TTF2: variants seen among roughly 807,000 people sequenced by gnomAD.
TTF2 encodes RNA polymerase II termination factor.
Under a neutral mutation model 142.4 loss-of-function variants are expected in TTF2, and 108 were observed. That is an observed-to-expected ratio of 0.76 (90% CI 0.65 to 0.89). TTF2 has a LOEUF of 0.89. Ranked by LOEUF, TTF2 falls within the 40% of genes least tolerant of loss-of-function variation. The pLI is 0.00. For missense variants in TTF2, 1,327 were observed against 1,379.8 expected (o/e 0.96, Z 0.61); for synonymous variants, 483 against 506.2 (o/e 0.95, Z 0.61).
chr1:117,075,455 A>G lies in TTF2; in HGVS notation c.871A>G (p.Lys291Glu). The change falls in exon 5 of 23, where the codon AAA becomes GAA. Residue 291 changes from lysine to glutamate, a missense_variant. By Grantham distance (56) the Lys-to-Glu change is moderately conservative. Coordinates refer to ENST00000369466, the MANE Select transcript of TTF2 (RefSeq NM_003594.4). The surrounding 1 kb of genome is among the most constrained non-coding windows in gnomAD (Gnocchi z 4.5). ...CAAGGAGTACACGAACTGGGAGGCT[A>G]AAGAAACAAAGGCAAAGGATGGCCC... Reference protein sequence around the residue: ...LNKEYTNWEAKETKAKDGPSI... With the variant: ...LNKEYTNWEAEETKAKDGPSI... The G allele has an allele frequency of 6.2e-7, 1 of 1,614,148 alleles. No homozygotes were observed. Among genetic ancestry groups the G allele is most frequent in the Non-Finnish European group, 8.5e-7 (1 of 1,179,992 alleles).
In TTF2 at chr1:117,092,770, C is replaced by G. The variant is rs767915701; in HGVS notation, c.2845C>G (p.Leu949Val). 6.2e-7 allele frequency: 1 copy of G among 1,614,162 alleles called. No homozygotes were observed. The highest frequency in any genetic ancestry group is 8.5e-7 in the Non-Finnish European group (1 of 1,180,030). Reference protein sequence around the residue: ...PMELKGEGLVLSLEEQLSALT... With the variant: ...PMELKGEGLVVSLEEQLSALT... ...GGAACTGAAGGGTGAAGGTCTTGTC[C>G]TTTCCCTGGAAGAACAGCTCAGTGC... The change falls in exon 18 of 23, where the codon CTT (leucine) becomes GTT (valine). Residue 949 changes from leucine (L) to valine (V), a missense_variant. By Grantham distance (32) the Leu-to-Val change is conservative. Coordinates refer to ENST00000369466, the MANE Select transcript of TTF2 (RefSeq NM_003594.4). The surrounding 1 kb of genome is among the most constrained non-coding windows in gnomAD (Gnocchi z 4.4).
chr1:117,065,612 C>T (rs1212461627), intron 3 of TTF2, among the ~76,000 whole-genome samples: 3 of 152,098 alleles, frequency 2.0e-5, no homozygotes, highest in Non-Finnish European at 4.4e-5. Flanking sequence ...AAAAATGTCT[C>T]TGAGCATTGT....
Position 117,097,440 on chromosome 1 carries a change from A to G in TTF2, c.3269+7A>G, listed in dbSNP as rs1168335332. The G allele has an allele frequency of 1.2e-6, 2 of 1,613,974 alleles. No homozygotes were observed. The highest frequency in any genetic ancestry group is 2.7e-5 in the African/African-American group (2 of 74,922). ...TTCTTTTGGACATGCACTGGTAATG[A>G]TTCCGGATTTGTCCTGGGTTGTCAC... On this transcript the variant is annotated splice_region_variant and intron_variant, in intron 21 of 22. Transcript: ENST00000369466. This position sits in a 1 kb window ranked among gnomAD's most constrained non-coding sequence, Gnocchi z 4.1.
rs1391460788 is a variant in TTF2, at chr1:117,096,184, T to G, written c.3071T>G (p.Val1024Gly). ...TCTCAGTGGACCAACATGCTGAAAG[T>G]TGTAGCATTGCACCTGAAGAAGCAT... The part of the protein sequence containing the change: ...IVSQWTNMLK[V>G]VALHLKKHGL... Residue 1024 changes from valine (V) to glycine (G), a missense_variant, in exon 20 of 23, where the codon GTT (valine) becomes GGT (glycine). Physicochemically the swap from Val to Gly is moderately radical, Grantham distance 109. Coordinates refer to ENST00000369466, the MANE Select transcript of TTF2 (RefSeq NM_003594.4). 5.0e-6 allele frequency: 8 copies of G among 1,614,048 alleles called. No homozygotes were observed. Among genetic ancestry groups the G allele is most frequent in the Non-Finnish European group, 5.9e-6 (7 of 1,180,006 alleles).
chr1:117,102,809 A>AT lies in TTF2; in HGVS notation c.*1286dup, dbSNP rs1649689491. 2 of 151,928 alleles carry AT rather than the reference A, an allele frequency of 1.3e-5. No homozygotes were observed. The highest frequency in any genetic ancestry group is 1.5e-5 in the Non-Finnish European group (1 of 68,044). 9.4% of individuals were successfully genotyped at this position (151,928 alleles called of 1,614,324 possible). A position where few individuals can be genotyped will look rare whatever the true frequency, so the allele number is the denominator to read the frequency against. On this transcript the variant is annotated 3_prime_UTR_variant, in exon 23 of 23. Coordinates refer to ENST00000369466, the MANE Select transcript of TTF2 (RefSeq NM_003594.4). ...ATACTATTGGTACAATCCAATACTA[A>AT]TAATACTAACAGTAGTATTGATACA...
rs1647335428 is a variant in TTF2, at chr1:117,079,847, G to C, written c.1783+198G>C. Among the ~76,000 whole-genome samples, 2 of 152,170 alleles carry C rather than the reference G, an allele frequency of 1.3e-5. No homozygotes were observed. On this transcript the variant is annotated intron_variant, in intron 9 of 22. Transcript: ENST00000369466. This position sits in a 1 kb window ranked among gnomAD's most constrained non-coding sequence, Gnocchi z 4.2. Reference sequence around the variant, plus strand: ...TACACAGTTTAGGATCAAAGATGTTGGTTGCCAGCAGTAGAAGCTGACTCT... The same window carrying C: ...TACACAGTTTAGGATCAAAGATGTTCGTTGCCAGCAGTAGAAGCTGACTCT...
rs1042857998 is a variant in TTF2, at chr1:117,105,031, G to A, written c.*3507G>A. On this transcript the variant is annotated 3_prime_UTR_variant, in exon 23 of 23. Coordinates refer to ENST00000369466, the MANE Select transcript of TTF2 (RefSeq NM_003594.4). The surrounding 1 kb of genome is among the most constrained non-coding windows in gnomAD (Gnocchi z 4.7). ...GTGCTGCACTATGAGTCCTGCCTGT[G>A]TTAACCAGCCTTCCTTCATGTCACA... 3 of 152,238 alleles carry A rather than the reference G, an allele frequency of 2.0e-5. No individual in the cohort carries two copies. The South Asian group carries it at 6.2e-4, about 32-fold the overall frequency. The allele number at this position is 152,238 out of a possible 1,614,324, so 9.4% of individuals were successfully genotyped here.
At position 117,101,510 on chromosome 1, in the gene TTF2, CT is replaced by C; in HGVS notation, c.3480del (p.Phe1160LeufsTer20). Reference sequence around the variant, plus strand: ...GCTCACCTTGGCTGACCTCAGAGTCCTTTTTGGCATCTAACCTCCTGTGGAT... The same window carrying C: ...GCTCACCTTGGCTGACCTCAGAGTCCTTTTGGCATCTAACCTCCTGTGGAT... ...TKLTLADLRV[L>X]FGI On this transcript the variant is annotated frameshift_variant, in exon 23 of 23. Coordinates refer to ENST00000369466, the MANE Select transcript of TTF2 (RefSeq NM_003594.4). LOFTEE classifies it high-confidence loss of function. This position sits in a 1 kb window ranked among gnomAD's most constrained non-coding sequence, Gnocchi z 5.9. 6.3e-7 allele frequency: 1 copy of C among 1,591,026 alleles called. No homozygotes were observed. Among genetic ancestry groups the C allele is most frequent in the Non-Finnish European group, 8.5e-7 (1 of 1,174,184 alleles).
At chr1:117,065,460 T>C (rs1656018935) in intron 3 of TTF2, among the ~76,000 whole-genome samples, 2 of 152,120 alleles carry the variant, frequency 1.3e-5, no homozygotes, top group Non-Finnish European at 2.9e-5. Context: ...TAGCCGGGCA[T>C]GGTGGAAGGC....
rs369695688 is a variant in TTF2 at position 117,090,087 on chromosome 1, A to G, written c.2375A>G (p.Asn792Ser). The G allele has an allele frequency of 3.8e-5, 62 of 1,613,892 alleles. No individual in the cohort carries two copies. The highest frequency in any genetic ancestry group is 4.7e-5 in the Non-Finnish European group (56 of 1,179,942). ...FLRCSPFDEF[N>S]LWRSQVDNGS... The stretch of plus-strand genomic sequence containing the variant: ...CGTTGCTCTCCATTTGATGAGTTCA[A>G]TCTGTGGAGGAGTCAGGTTGACAAT... The change falls in exon 14 of 23, where the codon AAT becomes AGT. Residue 792 changes from asparagine (N) to serine (S), a missense_variant. Coordinates refer to ENST00000369466, the MANE Select transcript of TTF2 (RefSeq NM_003594.4). The surrounding 1 kb of genome is among the most constrained non-coding windows in gnomAD (Gnocchi z 4.8).
At position 117,070,400 on chromosome 1, in the gene TTF2, G is replaced by A. The variant is rs1249102168; in HGVS notation, c.219-3261G>A. On this transcript the variant is annotated intron_variant, in intron 3 of 22. Coordinates refer to ENST00000369466, the MANE Select transcript of TTF2 (RefSeq NM_003594.4). The surrounding 1 kb of genome is among the most constrained non-coding windows in gnomAD (Gnocchi z 4.2). ...ACTTTACTGAATACTGCAGGCATTTGTAACACAGTGCTAAGTATTTGTATA... is the reference window on the plus strand; with the variant it reads ...ACTTTACTGAATACTGCAGGCATTTATAACACAGTGCTAAGTATTTGTATA... 6.6e-6 allele frequency among the ~76,000 whole-genome samples: 1 copy of A among 152,202 alleles called. No individual in the cohort carries two copies. Among genetic ancestry groups the A allele is most frequent in the East Asian group, 1.9e-4 (1 of 5,206 alleles).
At chr1:117,074,371 C>T (rs545779930) in intron 4 of TTF2, among the ~76,000 whole-genome samples, 57 of 152,164 alleles carry the variant, frequency 3.7e-4, no homozygotes, top group Admixed American at 1.1e-3. Flanking sequence ...TTTGGTTTGT[C>T]ACTACTTTTC....
intron 12 of TTF2, 151 bp from the exon 13 acceptor site, chr1:117,088,650 G>T: frequency 1.5e-6 from 1 of 683,858 alleles, no homozygotes; most frequent in South Asian, 2.7e-5. Context: ...TTTACTCTTG[G>T]GTTTCTTAAT....
In TTF2 at chr1:117,079,311, C is replaced by T. The variant is rs1647275253; in HGVS notation, c.1702-257C>T. On this transcript the variant is annotated intron_variant, in intron 8 of 22. Transcript: ENST00000369466. This position sits in a 1 kb window ranked among gnomAD's most constrained non-coding sequence, Gnocchi z 4.2. ...GATTAAGCAGACAAATCAGGACTCT[C>T]ACTTGGGGTGTAGGGGGGACTCTTA... is the stretch of plus-strand genomic sequence containing the variant. 6.6e-6 allele frequency among the ~76,000 whole-genome samples: 1 copy of T among 152,120 alleles called. No homozygotes were observed. Among genetic ancestry groups the T allele is most frequent in the African/African-American group, 2.4e-5 (1 of 41,422 alleles).
In TTF2 at chr1:117,085,173, A is replaced by G. The variant is rs1647897258; in HGVS notation, c.2054+1005A>G. On this transcript the variant is annotated intron_variant, in intron 11 of 22. Transcript: ENST00000369466. The surrounding 1 kb of genome is among the most constrained non-coding windows in gnomAD (Gnocchi z 4.7). Reference sequence around the variant, plus strand: ...TGACCGATTAGAATCATTCTGAATTATACTTCTTTATATGATAGTAGGGTA... The same window carrying G: ...TGACCGATTAGAATCATTCTGAATTGTACTTCTTTATATGATAGTAGGGTA... Among the ~76,000 whole-genome samples the G allele has an allele frequency of 6.6e-6, 1 of 152,222 alleles. No individual in the cohort carries two copies. Among genetic ancestry groups the G allele is most frequent in the Non-Finnish European group, 1.5e-5 (1 of 68,036 alleles).
Position 117,079,760 on chromosome 1 carries a change from T to G in TTF2, c.1783+111T>G. Reference sequence around the variant, plus strand: ...AAGAACTCTATGAGGCAGGTACTATTATTCCTCATTTTACAGATGATGAAA... The same window carrying G: ...AAGAACTCTATGAGGCAGGTACTATGATTCCTCATTTTACAGATGATGAAA... On this transcript the variant is annotated intron_variant, in intron 9 of 22. Transcript: ENST00000369466. This position sits in a 1 kb window ranked among gnomAD's most constrained non-coding sequence, Gnocchi z 4.2. 1 of 1,008,030 alleles carries G rather than the reference T, an allele frequency of 9.9e-7. No homozygotes were observed. The highest frequency in any genetic ancestry group is 1.5e-6 in the Non-Finnish European group (1 of 656,730). 62.4% of individuals were successfully genotyped at this position (1,008,030 alleles called of 1,614,324 possible).
rs34079217 is a variant in TTF2, at chr1:117,095,344, A to G, written c.3012A>G (p.Gln1004=). The G allele has an allele frequency of 7.1e-3, 11,385 of 1,614,098 alleles. 628 individuals are homozygous for G. The African/African-American group carries it at 0.13, about 18-fold the overall frequency. ...TGTTGGCAGAATTGGAGGCAATTCA[A>G]AGAAATTCAGCATCCCAAAAGAGGT... ...SSLLAELEAI[Q]RNSASQKSVI... Residue 1004 remains glutamine (Q), a synonymous_variant, in exon 19 of 23, where the codon CAA becomes CAG. Transcript: ENST00000369466.
chr1:117,098,147 CCT>C (rs1473030820), intron 21 of TTF2: 1 of 151,512 alleles, frequency 6.6e-6, no homozygotes, highest in African/African-American at 2.4e-5. Context: ...ACTTGGGACT[CCT>C]CTGTACACGT....
chr1:117,092,673 A>G lies in TTF2; in HGVS notation c.2806-58A>G. ...GTAAACAATCAAAACATCATCAACA[A>G]GTAACAAGGTTTGCTCCCTTGACTC... On this transcript the variant is annotated intron_variant, in intron 17 of 22. Transcript: ENST00000369466. The surrounding 1 kb of genome is among the most constrained non-coding windows in gnomAD (Gnocchi z 4.4). 6.4e-7 allele frequency: 1 copy of G among 1,553,722 alleles called. No individual in the cohort carries two copies. The highest frequency in any genetic ancestry group is 1.2e-5 in the South Asian group (1 of 82,832).
Sources: allele counts gnomAD v4.1 joint callset (sites outside exome capture counted in the v4.1 genomes callset), GRCh38; gene constraint gnomAD v4.1.1; non-coding constraint Gnocchi (gnomAD v3.1); transcripts MANE v1.5; gene names NCBI Gene and HGNC (gene_info 2026-07-23, HGNC 2026-07-21).